CYBB: variants seen among roughly 807,000 people sequenced by gnomAD.
CYBB encodes NADPH oxidase 2.
Under a neutral mutation model 46.5 loss-of-function variants are expected in CYBB, and 5 were observed. The ratio of observed to expected loss-of-function variants is 0.11; its 90% CI spans 0.06 to 0.23. The LOEUF (loss-of-function observed/expected upper bound fraction) is 0.23, where lower values mean the gene tolerates loss of function less well. Ranked by LOEUF, CYBB falls within the 10% of genes least tolerant of loss-of-function variation. The probability of loss-of-function intolerance (pLI) is 1.00; values close to 1 mark genes in which losing one functional copy is unlikely to be tolerated. For synonymous variants in CYBB, 183 were observed against 156.7 expected (o/e 1.17, Z -1.26); for missense variants, 307 against 428.3 (o/e 0.72, Z 2.50).
intron 3 of CYBB, among the ~76,000 whole-genome samples, chrX:37,789,590 G>A (rs1569479040): frequency 2.8e-5 from 3 of 107,151 alleles, no homozygotes; most frequent in Admixed American, 2.0e-4. Context: ...ACAGGAAAAA[G>A]TTATTTCCTC....
intron 4 of CYBB, 54 bp downstream of exon 4, chrX:37,792,113 C>A: frequency 2.5e-6 from 2 of 791,785 alleles, no homozygotes. Context: ...TTCATAGATA[C>A]CTTTTTATAT....
At chrX:37,788,159 T>G (rs1294503065) in intron 3 of CYBB, among the ~76,000 whole-genome samples, 1 of 111,921 alleles carries the variant, frequency 8.9e-6, no homozygotes, top group Non-Finnish European at 1.9e-5. Flanking sequence ...CATATATTAT[T>G]TTACATTTTT....
intron 3 of CYBB, among the ~76,000 whole-genome samples, chrX:37,789,265 A>G (rs1929140511): frequency 9.0e-6 from 1 of 111,215 alleles, no homozygotes; most frequent in Admixed American, 9.6e-5. Flanking sequence ...ATTAAAGTCA[A>G]CTTGGGACTT....
Position 37,811,310 on chromosome X carries a change from CT to C in CYBB, c.*394del, listed in dbSNP as rs1374508402. Reference sequence around the variant, plus strand: ...TACTCTTTCCACAATACTGAGCTGCCTCAGAATCCTCAAAATCAGTTTTTAT... The same window carrying C: ...TACTCTTTCCACAATACTGAGCTGCCCAGAATCCTCAAAATCAGTTTTTAT... On this transcript the variant is annotated 3_prime_UTR_variant, in exon 13 of 13. Coordinates refer to ENST00000378588, the MANE Select transcript of CYBB (RefSeq NM_000397.4). The C allele has an allele frequency of 7.3e-6, 1 of 136,942 alleles. No individual in the cohort carries two copies. Among genetic ancestry groups the C allele is most frequent in the Admixed American group, 8.0e-5 (1 of 12,566 alleles). 11.3% of individuals were successfully genotyped at this position (136,942 alleles called of 1,213,427 possible). A position where few individuals can be genotyped will look rare whatever the true frequency, so the allele number is the denominator to read the frequency against.
intron 8 of CYBB, among the ~76,000 whole-genome samples, chrX:37,801,586 TTGTGTG>T (rs58302662): frequency 3.5e-3 from 293 of 84,583 alleles, no homozygotes; most frequent in African/African-American, 0.012. Flanking sequence ...CCCCCACCCA[TTGTGTG>T]TGTGTGTGTG....
At chrX:37,809,516 TGCTTTTAC>T (rs781836658) in intron 11 of CYBB, 43 bp from the exon 12 acceptor site, 1 of 1,161,744 alleles carries the variant, frequency 8.6e-7, no homozygotes, top group African/African-American at 1.8e-5. Context: ...ACATTGTATG[TGCTTTTAC>T]AGAATGTCTC....
At chrX:37,806,896 CTGTG>C (rs72172606) in intron 11 of CYBB, among the ~76,000 whole-genome samples, 10 of 106,380 alleles carry the variant, frequency 9.4e-5, no homozygotes, top group African/African-American at 2.8e-4. Context: ...CTCTCTGTCT[CTGTG>C]TGTGTGTGTG....
intron 3 of CYBB, among the ~76,000 whole-genome samples, chrX:37,785,639 G>C (rs1217631197): frequency 5.4e-5 from 6 of 111,263 alleles, no homozygotes; most frequent in African/African-American, 2.0e-4. Context: ...GGAACTCCTG[G>C]GCTCAAGTGA....
intron 3 of CYBB, among the ~76,000 whole-genome samples, chrX:37,786,570 T>C (rs1164888973): frequency 4.5e-5 from 5 of 111,194 alleles, no homozygotes; most frequent in Non-Finnish European, 7.6e-5. Flanking sequence ...TCCTTCTGGT[T>C]ACCTAGAGAA....
At chrX:37,780,419 G>A (rs2069629577) in intron 1 of CYBB, among the ~76,000 whole-genome samples, 1 of 111,277 alleles carries the variant, frequency 9.0e-6, no homozygotes, top group South Asian at 3.7e-4. Flanking sequence ...ATTCTGAGTT[G>A]TTTAGTAATG....
chrX:37,806,682 C>G (rs988582322), intron 11 of CYBB, 149 bp downstream of exon 11: 1 of 552,589 alleles, frequency 1.8e-6, no homozygotes, highest in African/African-American at 2.3e-5. Context: ...CATTTAGTAT[C>G]GCCACATTAT....
intron 9 of CYBB, 47 bp from the exon 10 acceptor site, chrX:37,804,959 G>A: frequency 8.5e-7 from 1 of 1,174,095 alleles, no homozygotes; most frequent in Non-Finnish European, 1.2e-6. Context: ...ATCTCACTCT[G>A]AAGAGCAAGA....
intron 8 of CYBB, among the ~76,000 whole-genome samples, chrX:37,802,754 A>AGGG (rs1929471424): frequency 8.9e-6 from 1 of 111,998 alleles, no homozygotes; most frequent in Admixed American, 9.4e-5. Context: ...ACTCTTCCAC[A>AGGG]ACTCCCTGTT....
chrX:37,795,123 T>C (rs1399728082), intron 5 of CYBB, among the ~76,000 whole-genome samples: 2 of 111,667 alleles, frequency 1.8e-5, no homozygotes, highest in Admixed American at 1.9e-4. Context: ...CTCTTCTAAA[T>C]GTTTTCATTT....
chrX:37,780,948 G>A (rs1928940068), intron 1 of CYBB, among the ~76,000 whole-genome samples: 1 of 111,704 alleles, frequency 9.0e-6, no homozygotes, highest in Admixed American at 9.5e-5. Flanking sequence ...TTACACAGAT[G>A]TTAAAAAGTA....
chrX:37,806,448 A>G lies in CYBB; in HGVS notation c.1376A>G (p.Gln459Arg), dbSNP rs145417018. 2.5e-6 allele frequency: 3 copies of G among 1,208,397 alleles called. No homozygotes were observed. The African/African-American group carries it at 5.3e-5, about 21-fold the overall frequency. Residue 459 changes from glutamine (Q) to arginine (R), a missense_variant, in exon 11 of 13, where the codon CAA becomes CGA. Gln to Arg is a conservative substitution (Grantham distance 43). Transcript: ENST00000378588. ...HAFEWFADLL[Q>R]LLESQMQERN... ...TTTGAGTGGTTTGCAGATCTGCTGC[A>G]ACTGCTGGAGAGCCAGATGCAGGAA...
chrX:37,813,208 C>CTTTTTTTTTTTTTTTTTTTTTTTTTT lies in CYBB; in HGVS notation c.*2314_*2315insTTTTTTTTTTTTTTTTTTTTTTTTTT, dbSNP rs11338914. The CTTTTTTTTTTTTTTTTTTTTTTTTTT allele has an allele frequency of 1.6e-5, 1 of 64,182 alleles. No homozygotes were observed. Among genetic ancestry groups the CTTTTTTTTTTTTTTTTTTTTTTTTTT allele is most frequent in the Non-Finnish European group, 2.9e-5 (1 of 34,887 alleles). The allele number at this position is 64,182 out of a possible 1,213,427, so 5.3% of individuals were successfully genotyped here. The stretch of plus-strand genomic sequence containing the variant: ...CACCAGCAGCCAGCTGCCAGCCTAG[C>CTTTTTTTTTTTTTTTTTTTTTTTTTT]TTTTTTTTTTTTTTTTTTTTTTTAG... On this transcript the variant is annotated 3_prime_UTR_variant, in exon 13 of 13. Coordinates refer to ENST00000378588, the MANE Select transcript of CYBB (RefSeq NM_000397.4).
intron 3 of CYBB, among the ~76,000 whole-genome samples, chrX:37,788,298 A>G (rs1343568238): frequency 1.8e-5 from 2 of 112,073 alleles, no homozygotes; most frequent in African/African-American, 3.2e-5. Context: ...AAAAATTTCA[A>G]AAGGATTTGT....
At chrX:37,803,610 G>A (rs782724488) in intron 8 of CYBB, among the ~76,000 whole-genome samples, 1 of 111,421 alleles carries the variant, frequency 9.0e-6, no homozygotes, top group Non-Finnish European at 1.9e-5. Flanking sequence ...TACAGGGAGT[G>A]TGGAAATTGA....
Sources: allele counts gnomAD v4.1 joint callset (sites outside exome capture counted in the v4.1 genomes callset), GRCh38; gene constraint gnomAD v4.1.1; transcripts MANE v1.5; gene names NCBI Gene and HGNC (gene_info 2026-07-23, HGNC 2026-07-21).